Variants in SYT7 observed in about 807,000 individuals in gnomAD.
The protein encoded by SYT7 is synaptotagmin-7.
A neutral mutation model predicts 75.1 loss-of-function variants in SYT7; 29 were observed. That is an observed-to-expected ratio of 0.39 (90% CI 0.29 to 0.53). The LOEUF (loss-of-function observed/expected upper bound fraction) is 0.53, where lower values mean the gene tolerates loss of function less well. SYT7 is among the 20% of genes least tolerant of loss of function. The pLI, the probability that SYT7 is intolerant of heterozygous loss-of-function variation, is 0.77. For missense variants in SYT7, 693 were observed against 953.2 expected (o/e 0.73, Z 3.59); for synonymous variants, 376 against 401.7 (o/e 0.94, Z 0.76).
chr11:61,532,754 G>A (rs984394557), intron 8 of SYT7, among the ~76,000 whole-genome samples: 8 of 152,178 alleles, frequency 5.3e-5, no homozygotes, highest in Non-Finnish European at 1.0e-4. Context: ...AAGAAACTGA[G>A]ACATGGAGAA....
chr11:61,566,309 C>A (rs910614688), intron 1 of SYT7, among the ~76,000 whole-genome samples: 2 of 152,248 alleles, frequency 1.3e-5, no homozygotes, highest in Admixed American at 1.3e-4. Context: ...ACAGCCACCC[C>A]TACCTCCCAC....
chr11:61,535,690 G>A (rs988421609), intron 7 of SYT7, among the ~76,000 whole-genome samples: 1 of 152,120 alleles, frequency 6.6e-6, no homozygotes, highest in Non-Finnish European at 1.5e-5. Flanking sequence ...CTCCCACGCT[G>A]CTTGGAACCT....
rs530696037 is a variant in SYT7, at chr11:61,513,964, C to T, written c.*4663G>A. 2.8e-3 allele frequency among the ~76,000 whole-genome samples: 419 copies of T among 152,088 alleles called. 2 individuals are homozygous for T. The highest frequency in any genetic ancestry group is 9.5e-3 in the African/African-American group (393 of 41,466). Reference sequence around the variant, plus strand: ...GCGTGGGAGGGAGAGGAGCGCAGGACGTAACCCAGGACAGCCTTCCAGAAA... The same window carrying T: ...GCGTGGGAGGGAGAGGAGCGCAGGATGTAACCCAGGACAGCCTTCCAGAAA... On this transcript the variant is annotated 3_prime_UTR_variant, in exon 13 of 13. Coordinates refer to ENST00000539008, the MANE Select transcript of SYT7 (RefSeq NM_001365809.2).
At position 61,533,053 on chromosome 11, in the gene SYT7, C is replaced by A. The variant is rs199660597; in HGVS notation, c.1136G>T (p.Arg379Leu). The change falls in exon 8 of 13, where the codon CGC becomes CTC. Residue 379 changes from arginine (R) to leucine (L), a missense_variant. Physicochemically the swap from Arg to Leu is moderately radical, Grantham distance 102. This residue lies in a region of SYT7 where 487 missense variants were observed against 593.2 expected (regional missense o/e 0.82). Transcript: ENST00000539008. ...GACGGAGGAACGTGGCTCGGTCCGG[C>A]GGTCGGACTCATCGTGGGGTGTCTG... ...PGQTPHDESD[R>L]RTEPRSSVSD... 1.2e-6 allele frequency: 2 copies of A among 1,613,274 alleles called. No homozygotes were observed. Among genetic ancestry groups the A allele is most frequent in the South Asian group, 1.1e-5 (1 of 91,070 alleles).
At chr11:61,548,480 A>T (rs776367439) in intron 3 of SYT7, among the ~76,000 whole-genome samples, 17 of 152,210 alleles carry the variant, frequency 1.1e-4, no homozygotes, top group Non-Finnish European at 1.8e-4. Flanking sequence ...GGACCCCAAG[A>T]AGCAGGACTG....
intron 9 of SYT7, among the ~76,000 whole-genome samples, chr11:61,527,671 A>G (rs753899953): frequency 5.3e-5 from 8 of 152,226 alleles, no homozygotes; most frequent in Non-Finnish European, 2.9e-5. Context: ...AAAACGCATC[A>G]GGTTAACCGG....
In SYT7 at chr11:61,517,051, CAG is replaced by C. The variant is rs1435971842; in HGVS notation, c.*1574_*1575del. 1 of 389,274 alleles carries C rather than the reference CAG, an allele frequency of 2.6e-6. No homozygotes were observed. The highest frequency in any genetic ancestry group is 3.6e-5 in the East Asian group (1 of 27,498). The allele number at this position is 389,274 out of a possible 1,614,324, so 24.1% of individuals were successfully genotyped here. The stretch of plus-strand genomic sequence containing the variant: ...CTCTTTGGGGTGTCACAGGCCCATC[CAG>C]AGTGGAACTGGGGGCTAAGACCACG... On this transcript the variant is annotated 3_prime_UTR_variant, in exon 13 of 13. Coordinates refer to ENST00000539008, the MANE Select transcript of SYT7 (RefSeq NM_001365809.2).
Position 61,514,443 on chromosome 11 carries a change from A to T in SYT7, c.*4184T>A, listed in dbSNP as rs560755018. 8.1e-4 allele frequency among the ~76,000 whole-genome samples: 124 copies of T among 152,346 alleles called. No individual in the cohort carries two copies. The highest frequency in any genetic ancestry group is 2.8e-3 in the African/African-American group (116 of 41,586). ...GTGCTGGGAGCAGAGGGCGGATGGG[A>T]TGGCCCGCTTCACTCCTGGTGGGGG... On this transcript the variant is annotated 3_prime_UTR_variant, in exon 13 of 13. Transcript: ENST00000539008.
At position 61,580,765 on chromosome 11, in the gene SYT7, C is replaced by A; in HGVS notation, c.31+25G>T. ...TGTCCTGCCCGCCGGTGCGGGGCGC[C>A]CCAGCCCGCCGGGGCCGCGCTTACC... On this transcript the variant is annotated intron_variant, in intron 1 of 12. Coordinates refer to ENST00000539008, the MANE Select transcript of SYT7 (RefSeq NM_001365809.2). This position sits in a 1 kb window ranked among gnomAD's most constrained non-coding sequence, Gnocchi z 6.1. The A allele has an allele frequency of 8.0e-7, 1 of 1,247,704 alleles. No homozygotes were observed. The highest frequency in any genetic ancestry group is 1.0e-6 in the Non-Finnish European group (1 of 996,160). The allele number at this position is 1,247,704 out of a possible 1,614,324, so 77.3% of individuals were successfully genotyped here. A position where few individuals can be genotyped will look rare whatever the true frequency, so the allele number is the denominator to read the frequency against.
At chr11:61,577,547 C>A (rs1298661034) in intron 1 of SYT7, among the ~76,000 whole-genome samples, 1 of 152,228 alleles carries the variant, frequency 6.6e-6, no homozygotes, top group African/African-American at 2.4e-5. Flanking sequence ...CCCTCACCCG[C>A]CATCAGCCTC....
At position 61,528,172 on chromosome 11, in the gene SYT7, G is replaced by A. The variant is rs372636520; in HGVS notation, c.1214C>T (p.Ser405Phe). 6.8e-6 allele frequency: 11 copies of A among 1,611,432 alleles called. No individual in the cohort carries two copies. Among genetic ancestry groups the A allele is most frequent in the African/African-American group, 1.3e-5 (1 of 74,912 alleles). ...TSEMLMLSPG[S>F]EEDEAHEGCS... is the part of the protein sequence containing the mutation. ...ACCCTCGTGGGCCTCATCCTCCTCG[G>A]AGCCTGGGGAGAGCTGGGGGTGGGG... The change falls in exon 9 of 13, where the codon TCC (serine) becomes TTC (phenylalanine). Residue 405 changes from serine to phenylalanine, a missense_variant. Physicochemically the swap from Ser to Phe is radical, Grantham distance 155. This residue lies in a region of SYT7 where 487 missense variants were observed against 593.2 expected (regional missense o/e 0.82). Coordinates refer to ENST00000539008, the MANE Select transcript of SYT7 (RefSeq NM_001365809.2).
chr11:61,570,803 C>G (rs1433095754), intron 1 of SYT7, among the ~76,000 whole-genome samples: 1 of 152,208 alleles, frequency 6.6e-6, no homozygotes, highest in Non-Finnish European at 1.5e-5. Context: ...CTTGGTTCAG[C>G]CACTAACTTA....
chr11:61,552,990 A>G (rs2063396160), intron 2 of SYT7, among the ~76,000 whole-genome samples: 1 of 152,154 alleles, frequency 6.6e-6, no homozygotes, highest in Non-Finnish European at 1.5e-5. Context: ...TTAGTGTGGA[A>G]CCTGGTACTG....
At chr11:61,555,689 G>T (rs1034384444) in intron 2 of SYT7, among the ~76,000 whole-genome samples, 5 of 152,220 alleles carry the variant, frequency 3.3e-5, no homozygotes, top group African/African-American at 9.6e-5. Flanking sequence ...GCGGGCAGAG[G>T]GGAGGGGGCG....
Position 61,538,218 on chromosome 11 carries a change from C to T in SYT7, c.990G>A (p.Gln330=). 1 of 1,536,052 alleles carries T rather than the reference C, an allele frequency of 6.5e-7. No individual in the cohort carries two copies. The highest frequency in any genetic ancestry group is 8.7e-7 in the Non-Finnish European group (1 of 1,146,870). The part of the protein sequence containing the change: ...VLSLVLGLSE[Q]DDFANIPDLQ... ...GGTCAGGGATATTGGCAAAGTCATCCTGTTCCGAAAGCCCTAAGACCAAGG... is the reference window on the plus strand; with the variant it reads ...GGTCAGGGATATTGGCAAAGTCATCTTGTTCCGAAAGCCCTAAGACCAAGG... Residue 330 remains glutamine, a synonymous_variant, in exon 7 of 13, where the codon CAG becomes CAA. Coordinates refer to ENST00000539008, the MANE Select transcript of SYT7 (RefSeq NM_001365809.2).
chr11:61,541,436 A>T, intron 6 of SYT7: 1 of 267,322 alleles, frequency 3.7e-6, no homozygotes, highest in Non-Finnish European at 5.8e-6. Context: ...GGGCCCCTCC[A>T]GGGAGAGCAG....
At chr11:61,578,850 G>C (rs1054869696) in intron 1 of SYT7, among the ~76,000 whole-genome samples, 5 of 152,190 alleles carry the variant, frequency 3.3e-5, no homozygotes, top group Non-Finnish European at 7.4e-5. Flanking sequence ...GGCACTGGTG[G>C]GTCCCGCAGC....
chr11:61,551,369 C>T lies in SYT7; in HGVS notation c.215+15G>A. On this transcript the variant is annotated intron_variant, in intron 3 of 12. Transcript: ENST00000539008. The surrounding 1 kb of genome is among the most constrained non-coding windows in gnomAD (Gnocchi z 5.3). Reference sequence around the variant, plus strand: ...CTTGTGTGGCCCCATCCCAAACTAGCAGCCTGGCACCTACTTGATAGCCTT... The same window carrying T: ...CTTGTGTGGCCCCATCCCAAACTAGTAGCCTGGCACCTACTTGATAGCCTT... 6.2e-7 allele frequency: 1 copy of T among 1,613,330 alleles called. No individual in the cohort carries two copies. Among genetic ancestry groups the T allele is most frequent in the Non-Finnish European group, 8.5e-7 (1 of 1,179,776 alleles).
chr11:61,556,292 C>T, intron 1 of SYT7, 85 bp from the exon 2 acceptor site: 2 of 1,120,482 alleles, frequency 1.8e-6, no homozygotes, highest in East Asian at 2.6e-5. Flanking sequence ...AACCACCACC[C>T]TACCCTCCAT....
Sources: gnomAD v4.1 joint callset for allele counts (sites outside exome capture counted in the v4.1 genomes callset) on GRCh38, gnomAD v4.1.1 for gene constraint, gnomAD v4.1.1 regional missense constraint, Gnocchi (gnomAD v3.1) non-coding constraint, MANE v1.5 for transcripts, NCBI Gene and HGNC (gene_info 2026-07-23, HGNC 2026-07-21) for gene names.